Variants in NLRP5 observed in about 807,000 individuals in gnomAD.
NLRP5 encodes the protein NLR family pyrin domain containing 5, also known as NACHT, LRR and PYD domains-containing protein 5.
In NLRP5, 93 loss-of-function variants were observed where a neutral mutation model predicts 113.1. The observed-to-expected ratio is 0.82, with a 90% CI of 0.70 to 0.98. NLRP5 has a LOEUF of 0.98. Among genes scored for constraint, NLRP5 ranks in the 50% least tolerant of loss-of-function variants. The pLI, the probability that NLRP5 is intolerant of heterozygous loss-of-function variation, is 0.00. For missense variants in NLRP5, 1,808 were observed against 1,514.3 expected (o/e 1.19, Z -3.22); for synonymous variants, 751 against 600.7 (o/e 1.25, Z -3.66).
rs34456029 is a variant in NLRP5 at position 56,027,529 on chromosome 19, C to A, written c.1296C>A (p.Ile432=). ...CCCGTTACCTGTTAGTTAGAGGAAT[C>A]TCCGGGGAACAAAGAATCCACTTGC... The change falls in exon 7 of 15, where the codon ATC becomes ATA. Residue 432 remains isoleucine (I), a synonymous_variant. Transcript: ENST00000390649. 3.5e-5 allele frequency: 56 copies of A among 1,614,014 alleles called. No homozygotes were observed. In the Middle Eastern group the frequency reaches 6.6e-4, roughly 19 times the overall value.
At chr19:55,991,237 G>A in the NLRP5 span, among the ~76,000 whole-genome samples, 2 of 152,112 alleles carry the variant, frequency 1.3e-5, no homozygotes, top group African/African-American at 2.4e-5. Context: ...TGTAAAGTAG[G>A]AATTCATGAA....
At chr19:56,012,576 CA>C (rs11312971) in intron 3 of NLRP5, among the ~76,000 whole-genome samples, 28,450 of 146,742 alleles carry the variant, frequency 0.19, 2,886 homozygotes, top group African/African-American at 0.25. Flanking sequence ...TTCCATAACC[CA>C]AAAAAAAAAA....
At chr19:56,006,003 G>A (rs966531268) in intron 2 of NLRP5, among the ~76,000 whole-genome samples, 3 of 152,154 alleles carry the variant, frequency 2.0e-5, no homozygotes, top group African/African-American at 7.2e-5. Flanking sequence ...CGTGGCATAT[G>A]TTTAAATTCT....
rs1047655646 is a variant in NLRP5 at position 56,054,760 on chromosome 19, G to C, written c.3299+952G>C. Among the ~76,000 whole-genome samples, 4 of 151,956 alleles carry C rather than the reference G, an allele frequency of 2.6e-5. No homozygotes were observed. In the South Asian group the frequency reaches 6.3e-4, roughly 24 times the overall value. The stretch of plus-strand genomic sequence containing the variant: ...GGCTAGAGGGAATGGGAAGTAGAAG[G>C]GGGGCAGCTGAATTGGTATGGGGTT... On this transcript the variant is annotated intron_variant, in intron 13 of 14. Coordinates refer to ENST00000390649, the MANE Select transcript of NLRP5 (RefSeq NM_153447.4).
chr19:56,055,395 G>A (rs1027462672), intron 13 of NLRP5, among the ~76,000 whole-genome samples: 2 of 151,662 alleles, frequency 1.3e-5, no homozygotes, highest in Non-Finnish European at 2.9e-5. Context: ...CCCTTCTTTA[G>A]TTCCTCTTCG....
At chr19:56,020,558 T>C (rs111607345) in intron 6 of NLRP5, 127 bp downstream of exon 6, 26 of 1,040,858 alleles carry the variant, frequency 2.5e-5, no homozygotes, top group Non-Finnish European at 3.7e-5. Flanking sequence ...TTGTCTCTGG[T>C]GTCAACCCCT....
At chr19:56,024,673 G>T (rs1369882303) in intron 6 of NLRP5, among the ~76,000 whole-genome samples, 1 of 151,454 alleles carries the variant, frequency 6.6e-6, no homozygotes, top group African/African-American at 2.4e-5. Context: ...CAGGAGCATT[G>T]CTTGAACCTG....
intron 13 of NLRP5, among the ~76,000 whole-genome samples, chr19:56,056,132 T>C (rs111485029): frequency 1.2e-4 from 18 of 152,210 alleles, no homozygotes; most frequent in Non-Finnish European, 2.5e-4. Flanking sequence ...GCACCTACCT[T>C]GTTCTACTGG....
intron 14 of NLRP5, among the ~76,000 whole-genome samples, chr19:56,059,675 T>G (rs1984283327): frequency 6.6e-6 from 1 of 152,116 alleles, no homozygotes; most frequent in Admixed American, 6.6e-5. Flanking sequence ...GCTGGGATTA[T>G]AGGTACGTGC....
intron 6 of NLRP5, among the ~76,000 whole-genome samples, chr19:56,022,743 AGACT>A (rs1982664268): frequency 6.6e-6 from 1 of 152,126 alleles, no homozygotes; most frequent in Non-Finnish European, 1.5e-5. Context: ...TTTTGTTTTG[AGACT>A]GAGTTTAGCT....
intron 6 of NLRP5, among the ~76,000 whole-genome samples, chr19:56,021,434 A>G (rs1568488318): frequency 6.6e-6 from 1 of 151,782 alleles, no homozygotes; most frequent in Non-Finnish European, 1.5e-5. Flanking sequence ...ATTCCAAGAC[A>G]TTTTTTTTCT....
At chr19:56,033,394 A>G (rs368695821) in intron 8 of NLRP5, 148 bp from the exon 9 acceptor site, 3 of 664,572 alleles carry the variant, frequency 4.5e-6, no homozygotes, top group African/African-American at 1.8e-5. Context: ...TAGCTGGCCC[A>G]TCACAGGCAC....
At chr19:56,036,210 C>G (rs947977079) in intron 9 of NLRP5, among the ~76,000 whole-genome samples, 1 of 151,460 alleles carries the variant, frequency 6.6e-6, no homozygotes, top group East Asian at 2.0e-4. Context: ...ACTACAGGCG[C>G]CCGCCACCAC....
intron 11 of NLRP5, among the ~76,000 whole-genome samples, chr19:56,048,087 C>T (rs1006599469): frequency 6.6e-6 from 1 of 152,008 alleles, no homozygotes; most frequent in African/African-American, 2.4e-5. Flanking sequence ...CTTTTTGTAC[C>T]CCTTTACTTT....
Position 56,061,492 on chromosome 19 carries a change from T to C in NLRP5, c.3567T>C (p.Ser1189=). 2.5e-6 allele frequency: 4 copies of C among 1,614,030 alleles called. No individual in the cohort carries two copies. The highest frequency in any genetic ancestry group is 3.4e-6 in the Non-Finnish European group (4 of 1,179,894). The change falls in exon 15 of 15, where the codon TCT becomes TCC. Residue 1189 remains serine (S), a synonymous_variant. Coordinates refer to ENST00000390649, the MANE Select transcript of NLRP5 (RefSeq NM_153447.4). The stretch of plus-strand genomic sequence containing the variant: ...TCGTAATTGACGGTAGTTGGCATTC[T>C]TTTGATGAAGATGACCGGTACTGGT...
chr19:56,024,458 CAT>C (rs1982749730), intron 6 of NLRP5, among the ~76,000 whole-genome samples: 1 of 138,582 alleles, frequency 7.2e-6, no homozygotes, highest in Non-Finnish European at 1.5e-5. Flanking sequence ...TATATACGTA[CAT>C]ACATATATAC....
At chr19:56,014,259 T>A (rs1982320778) in intron 3 of NLRP5, among the ~76,000 whole-genome samples, 1 of 152,018 alleles carries the variant, frequency 6.6e-6, no homozygotes, top group African/African-American at 2.4e-5. Context: ...AGGCGGTGGA[T>A]CACAAGATCA....
rs771146966 is a variant in NLRP5, at chr19:56,028,495, T to C, written c.2262T>C (p.Pro754=). The change falls in exon 7 of 15, where the codon CCT becomes CCC. Residue 754 remains proline (P), a synonymous_variant. Transcript: ENST00000390649. The stretch of plus-strand genomic sequence containing the variant: ...GAGATGAGTCCGCTGAGGCATGTCC[T>C]GTGGTCCCTCTATGGTGAGTACCCC... 3.7e-6 allele frequency: 6 copies of C among 1,613,420 alleles called. No homozygotes were observed. The highest frequency in any genetic ancestry group is 1.1e-5 in the South Asian group (1 of 91,062).
chr19:55,987,633 G>A, the NLRP5 span, among the ~76,000 whole-genome samples: 1 of 152,174 alleles, frequency 6.6e-6, no homozygotes, highest in South Asian at 2.1e-4. Flanking sequence ...AGCTGGGTCT[G>A]AGACTTCAAG....
Sources: gnomAD v4.1 joint callset for allele counts (sites outside exome capture counted in the v4.1 genomes callset) on GRCh38, gnomAD v4.1.1 for gene constraint, MANE v1.5 for transcripts, NCBI Gene and HGNC (gene_info 2026-07-23, HGNC 2026-07-21) for gene names.